The following PCDHA10 variants were observed in gnomAD, a reference collection of about 807,000 sequenced individuals.
PCDHA10 encodes protocadherin alpha 10.
In PCDHA10, 45 loss-of-function variants were observed where a neutral mutation model predicts 61.2. The observed-to-expected ratio is 0.74, with a 90% CI of 0.58 to 0.94. The LOEUF is 0.94. Among genes scored for constraint, PCDHA10 ranks in the 40% least tolerant of loss-of-function variants. The pLI, the probability that PCDHA10 is intolerant of heterozygous loss-of-function variation, is 0.00. For synonymous variants in PCDHA10, 602 were observed against 548.8 expected (o/e 1.10, Z -1.35); for missense variants, 1,278 against 1,236.2 (o/e 1.03, Z -0.51).
At chr5:140,977,559 A>G (rs1383080307) in intron 1 of PCDHA10, among the ~76,000 whole-genome samples, 2 of 152,204 alleles carry the variant, frequency 1.3e-5, no homozygotes. Context: ...ATATCTTGCT[A>G]GCAGATTGGT....
chr5:140,875,452 C>G (rs370742022), intron 1 of PCDHA10: 1 of 1,592,452 alleles, frequency 6.3e-7, no homozygotes, highest in Non-Finnish European at 8.6e-7. Flanking sequence ...TGTCCCAACT[C>G]AGAGGCCCTC....
chr5:140,934,705 C>T (rs1235956763), intron 1 of PCDHA10, among the ~76,000 whole-genome samples: 8 of 152,132 alleles, frequency 5.3e-5, no homozygotes, highest in African/African-American at 1.9e-4. Flanking sequence ...TCCTGGCCAT[C>T]TTACAAAAAG....
chr5:141,000,375 C>G (rs1253953172), intron 3 of PCDHA10, among the ~76,000 whole-genome samples: 8 of 57,690 alleles, frequency 1.4e-4, no homozygotes, highest in Non-Finnish European at 1.9e-4. Context: ...CTCTCTCTCT[C>G]TCTCTCTCTC....
At chr5:140,928,657 G>T in intron 1 of PCDHA10, 1 of 1,614,220 alleles carries the variant, frequency 6.2e-7, no homozygotes, top group Admixed American at 1.7e-5. Flanking sequence ...AGAGGATGCT[G>T]ACAGTGGTTC....
chr5:140,883,336 A>G, intron 1 of PCDHA10: 1 of 1,613,866 alleles, frequency 6.2e-7, no homozygotes, highest in Non-Finnish European at 8.5e-7. Flanking sequence ...CTTCTTTGTC[A>G]CTCCCCATCA....
Position 140,978,953 on chromosome 5 carries a change from G to A in PCDHA10, c.2393G>A (p.Arg798Gln), listed in dbSNP as rs781913955. The A allele has an allele frequency of 1.4e-5, 23 of 1,613,930 alleles. No homozygotes were observed. In the South Asian group the frequency reaches 2.0e-4, roughly 14 times the overall value. Residue 798 changes from arginine to glutamine, a missense_variant, in exon 2 of 4, where the codon CGA becomes CAA. Arg to Gln is a conservative substitution (Grantham distance 43, BLOSUM62 1). Transcript: ENST00000307360. ...SIGGDHSRKP[R>Q]QPNPDWRYSA... ...ACTCTCTTTGTGATTTTGCAGCCAC[G>A]ACAGCCCAACCCTGACTGGCGTTAC...
In PCDHA10 at chr5:141,010,847, A is replaced by C. The variant is rs2098418553; in HGVS notation, c.*910A>C. 6.5e-6 allele frequency: 1 copy of C among 153,782 alleles called. No homozygotes were observed. Among genetic ancestry groups the C allele is most frequent in the Non-Finnish European group, 1.5e-5 (1 of 68,062 alleles). The allele number at this position is 153,782 out of a possible 1,614,324, so 9.5% of individuals were successfully genotyped here. A position where few individuals can be genotyped will look rare whatever the true frequency, so the allele number is the denominator to read the frequency against. ...TTGTTGTTTCATAGATTTATTTAAA[A>C]AAAGAGAAAGTCTATAGCTATAAAT... On this transcript the variant is annotated 3_prime_UTR_variant, in exon 4 of 4. Transcript: ENST00000307360.
rs185971380 is a variant in PCDHA10, at chr5:140,858,398, G to C, written c.2350G>C (p.Gly784Arg). The C allele has an allele frequency of 3.8e-6, 6 of 1,574,020 alleles. No homozygotes were observed. Among genetic ancestry groups the C allele is most frequent in the South Asian group, 2.3e-5 (2 of 88,596 alleles). ...LPPCPMVDVD[G>R]EDQSIGGDHS... ...ACCATGCCCAATGGTAGATGTGGACGGGGAAGATCAGTCTATTGGAGGGGA... is the reference window on the plus strand; with the variant it reads ...ACCATGCCCAATGGTAGATGTGGACCGGGAAGATCAGTCTATTGGAGGGGA... Residue 784 changes from glycine (G) to arginine (R), a missense_variant, in exon 1 of 4, where the codon GGG (glycine) becomes CGG (arginine). Coordinates refer to ENST00000307360, the MANE Select transcript of PCDHA10 (RefSeq NM_018901.4).
Position 140,871,550 on chromosome 5 carries a change from C to A in PCDHA10, c.2388+13114C>A, listed in dbSNP as rs369025500. On this transcript the variant is annotated intron_variant, in intron 1 of 3. Transcript: ENST00000307360. The stretch of plus-strand genomic sequence containing the variant: ...AAGTGTATGTGAAATTATTTAAAAT[C>A]CAGTTTTTTTTCACGGATTTTTTAA... The A allele has an allele frequency of 1.6e-4, 246 of 1,495,268 alleles. 8 individuals are homozygous for A. In the South Asian group the frequency reaches 3.1e-3, roughly 19 times the overall value. The allele number at this position is 1,495,268 out of a possible 1,614,324, so 92.6% of individuals were successfully genotyped here.
rs782142394 is a variant in PCDHA10, at chr5:140,857,428, G to C, written c.1380G>C (p.Thr460=). ...CTGCGTTCGCGCAGTCCGAGTACAC[G>C]GTGTTCGTGAAGGAGAACAACCCGC... is the stretch of plus-strand genomic sequence containing the variant. ...NAPAFAQSEY[T]VFVKENNPPG... The change falls in exon 1 of 4, where the codon ACG becomes ACC. Residue 460 remains threonine (T), a synonymous_variant. Transcript: ENST00000307360. 3 of 1,598,342 alleles carry C rather than the reference G, an allele frequency of 1.9e-6. No individual in the cohort carries two copies. Among genetic ancestry groups the C allele is most frequent in the East Asian group, 2.2e-5 (1 of 44,842 alleles).
At chr5:140,883,121 G>A in intron 1 of PCDHA10, 3 of 1,614,070 alleles carry the variant, frequency 1.9e-6, no homozygotes, top group Non-Finnish European at 2.5e-6. Context: ...TAGAAGGCCT[G>A]TATGGCCTGC....
chr5:140,884,811 T>C (rs782097563), intron 1 of PCDHA10: 155 of 1,119,034 alleles, frequency 1.4e-4, no homozygotes, highest in Non-Finnish European at 1.9e-4. Context: ...AACTCTGCTG[T>C]GGACATTATG....
At chr5:140,879,634 C>T (rs888836313) in intron 1 of PCDHA10, among the ~76,000 whole-genome samples, 2 of 152,306 alleles carry the variant, frequency 1.3e-5, no homozygotes, top group Admixed American at 1.3e-4. Context: ...GTAAGTGTGT[C>T]GCTTCCTGTG....
intron 1 of PCDHA10, chr5:140,859,116 A>G (rs1210233743): frequency 6.7e-6 from 1 of 150,046 alleles, no homozygotes; most frequent in Non-Finnish European, 1.5e-5. Flanking sequence ...AAGAAAATGT[A>G]TGTTTCTTTT....
In PCDHA10 at chr5:140,858,302, A is replaced by T; in HGVS notation, c.2254A>T (p.Arg752Trp). The stretch of plus-strand genomic sequence containing the variant: ...GGGGAGCTGGTCTTACTCGCAGCAG[A>T]GGCGGCAGAGGGTGTGTTCTGGGGA... Reference protein sequence around the residue: ...AVGSWSYSQQRRQRVCSGEGL... With the variant: ...AVGSWSYSQQWRQRVCSGEGL... Residue 752 changes from arginine to tryptophan, a missense_variant, in exon 1 of 4, where the codon AGG becomes TGG. Physicochemically the swap from Arg to Trp is moderately radical, Grantham distance 101. Coordinates refer to ENST00000307360, the MANE Select transcript of PCDHA10 (RefSeq NM_018901.4). 1 of 1,597,158 alleles carries T rather than the reference A, an allele frequency of 6.3e-7. No homozygotes were observed. The highest frequency in any genetic ancestry group is 1.1e-5 in the South Asian group (1 of 90,440).
chr5:140,870,970 G>A, intron 1 of PCDHA10: 4 of 1,613,652 alleles, frequency 2.5e-6, no homozygotes, highest in Non-Finnish European at 3.4e-6. Context: ...CCCGTTCCGC[G>A]TGGGGCTGTA....
rs782058857 is a variant in PCDHA10 at position 140,870,963 on chromosome 5, G to A, written c.2388+12527G>A. Reference sequence around the variant, plus strand: ...CGGCGGCGGGCGGCTCGCGCATCCCGTTCCGCGTGGGGCTGTACACGGGCG... The same window carrying A: ...CGGCGGCGGGCGGCTCGCGCATCCCATTCCGCGTGGGGCTGTACACGGGCG... On this transcript the variant is annotated intron_variant, in intron 1 of 3. Coordinates refer to ENST00000307360, the MANE Select transcript of PCDHA10 (RefSeq NM_018901.4). 1.4e-5 allele frequency: 22 copies of A among 1,613,504 alleles called. 1 individual carries two copies. The highest frequency in any genetic ancestry group is 1.9e-5 in the Non-Finnish European group (22 of 1,179,890).
chr5:140,924,895 AAAAAAAAAAATAAAATAAAAT>A (rs1361418672), intron 1 of PCDHA10, among the ~76,000 whole-genome samples: 1,915 of 132,218 alleles, frequency 0.014, 23 homozygotes, highest in Admixed American at 0.024. Context: ...AACCTGTCTC[AAAAAAAAAAATAAAATAAAAT>A]AAAATAAAAT....
At chr5:140,960,923 G>A (rs1478943565) in intron 1 of PCDHA10, among the ~76,000 whole-genome samples, 1 of 152,168 alleles carries the variant, frequency 6.6e-6, no homozygotes, top group African/African-American at 2.4e-5. Context: ...TAGAAAATTG[G>A]TACTAAGTTT....
Sources: gnomAD v4.1 joint callset for allele counts (sites outside exome capture counted in the v4.1 genomes callset) on GRCh38, gnomAD v4.1.1 for gene constraint, MANE v1.5 for transcripts, NCBI Gene and HGNC (gene_info 2026-07-23, HGNC 2026-07-21) for gene names.